GPHN: variants seen among roughly 807,000 people sequenced by gnomAD.
The protein encoded by GPHN is gephyrin.
Under a neutral mutation model 95.5 loss-of-function variants are expected in GPHN, and 17 were observed. The ratio of observed to expected loss-of-function variants is 0.18; its 90% CI spans 0.12 to 0.27. The LOEUF (loss-of-function observed/expected upper bound fraction) is 0.27, where lower values mean the gene tolerates loss of function less well. GPHN is among the 10% of genes least tolerant of loss of function. The probability of loss-of-function intolerance (pLI) is 1.00; values close to 1 mark genes in which losing one functional copy is unlikely to be tolerated. For synonymous variants in GPHN, 320 were observed against 322.5 expected (o/e 0.99, Z 0.08); for missense variants, 660 against 978.1 (o/e 0.67, Z 4.34).
the GPHN span, chr14:67,333,376 A>C: frequency 6.5e-6 from 1 of 154,332 alleles, no homozygotes; most frequent in South Asian, 2.1e-4. Flanking sequence ...CTTCATTGGG[A>C]ATATTGAGCA....
intron 2 of GPHN, among the ~76,000 whole-genome samples, chr14:66,688,977 T>C (rs1026513349): frequency 1.3e-5 from 2 of 152,068 alleles, no homozygotes; most frequent in African/African-American, 2.4e-5. Flanking sequence ...GACCAGTTGA[T>C]GGGTGCAGCA....
intron 16 of GPHN, among the ~76,000 whole-genome samples, chr14:67,121,520 A>C (rs1367082569): frequency 1.3e-5 from 2 of 152,184 alleles, no homozygotes; most frequent in Non-Finnish European, 2.9e-5. Flanking sequence ...ATTACGACAA[A>C]GAATTTTGTC....
the GPHN span, among the ~76,000 whole-genome samples, chr14:67,212,574 G>C: frequency 3.3e-5 from 4 of 123,026 alleles, no homozygotes; most frequent in South Asian, 9.4e-4. Flanking sequence ...CTGGGTGACA[G>C]AGCAAGACCC....
At chr14:67,662,814 A>T in the GPHN span, among the ~76,000 whole-genome samples, 3 of 151,780 alleles carry the variant, frequency 2.0e-5, no homozygotes, top group Non-Finnish European at 4.4e-5. Context: ...AGAGGTAGAG[A>T]AATGCTTGAA....
At chr14:66,691,520 G>A (rs2067781914) in intron 2 of GPHN, among the ~76,000 whole-genome samples, 1 of 152,036 alleles carries the variant, frequency 6.6e-6, no homozygotes, top group South Asian at 2.1e-4. Flanking sequence ...AATTTTTAAT[G>A]AATATTTTAT....
In GPHN at chr14:66,508,405, T is replaced by G; in HGVS notation, c.-123T>G. 1 of 877,214 alleles carries G rather than the reference T, an allele frequency of 1.1e-6. No homozygotes were observed. The highest frequency in any genetic ancestry group is 1.9e-6 in the Non-Finnish European group (1 of 514,294). 54.3% of individuals were successfully genotyped at this position (877,214 alleles called of 1,614,324 possible). ...CTGTGGCCTCCCCCTCCTTCCCCGC[T>G]CTCCTCGCGCTTCTCTGGCTCCCTA... On this transcript the variant is annotated 5_prime_UTR_variant, in exon 1 of 23. Transcript: ENST00000478722.
chr14:67,656,022 G>T, the GPHN span, among the ~76,000 whole-genome samples: 2 of 152,140 alleles, frequency 1.3e-5, no homozygotes, highest in African/African-American at 4.8e-5. Flanking sequence ...GGAGCAGGTG[G>T]ATCACCTGAA....
At chr14:66,688,734 G>A (rs117288382) in intron 2 of GPHN, among the ~76,000 whole-genome samples, 1,843 of 152,262 alleles carry the variant, frequency 0.012, 20 homozygotes, top group Non-Finnish European at 0.018. Flanking sequence ...CCAGTACTGT[G>A]TTGAATGAAA....
At chr14:66,586,165 C>A (rs542079537) in intron 1 of GPHN, among the ~76,000 whole-genome samples, 106 of 151,018 alleles carry the variant, frequency 7.0e-4, no homozygotes, top group Middle Eastern at 6.9e-3. Context: ...GTCTCTTTTG[C>A]TCTTTGTTGG....
chr14:67,180,287 G>A (rs1250381271), intron 22 of GPHN, among the ~76,000 whole-genome samples: 6 of 152,190 alleles, frequency 3.9e-5, no homozygotes, highest in Non-Finnish European at 8.8e-5. Context: ...CAGCGACTAA[G>A]TTCATGGGCT....
the GPHN span, among the ~76,000 whole-genome samples, chr14:67,400,720 G>T: frequency 1.3e-5 from 2 of 152,206 alleles, no homozygotes; most frequent in Admixed American, 6.5e-5. Context: ...GAGCTCGGTG[G>T]TTCACGCCTG....
chr14:67,278,341 C>CT, the GPHN span, among the ~76,000 whole-genome samples: 362 of 138,164 alleles, frequency 2.6e-3, no homozygotes, highest in South Asian at 3.5e-3. Flanking sequence ...CGGCCCAATT[C>CT]TTTTTTTTTT....
At chr14:67,109,138 A>G (rs1181094943) in intron 13 of GPHN, among the ~76,000 whole-genome samples, 1 of 152,248 alleles carries the variant, frequency 6.6e-6, no homozygotes, top group Admixed American at 6.5e-5. Flanking sequence ...CAAAACAAAA[A>G]GTACAGTAGA....
the GPHN span, chr14:67,555,697 C>A: frequency 7.4e-7 from 1 of 1,346,684 alleles, no homozygotes; most frequent in Non-Finnish European, 1.0e-6. Context: ...CACTCTCGAG[C>A]CACTTGAGAT....
chr14:67,642,793 CTTTT>C, the GPHN span, among the ~76,000 whole-genome samples: 33 of 75,546 alleles, frequency 4.4e-4, no homozygotes, highest in African/African-American at 9.9e-4. Flanking sequence ...ACTACATTTT[CTTTT>C]TTTTTTTTTT....
At chr14:67,272,524 G>A in the GPHN span, among the ~76,000 whole-genome samples, 5 of 152,204 alleles carry the variant, frequency 3.3e-5, no homozygotes, top group African/African-American at 1.2e-4. Flanking sequence ...AGCTATAGTT[G>A]TAGTTGTTAC....
intron 11 of GPHN, among the ~76,000 whole-genome samples, chr14:67,079,298 A>G (rs1321357151): frequency 2.6e-5 from 4 of 152,088 alleles, no homozygotes; most frequent in African/African-American, 4.8e-5. Context: ...TTCATATGCT[A>G]TACAATTCAA....
At chr14:66,733,005 G>A (rs1317425833) in intron 2 of GPHN, among the ~76,000 whole-genome samples, 1 of 152,236 alleles carries the variant, frequency 6.6e-6, no homozygotes, top group East Asian at 1.9e-4. Flanking sequence ...GATACAGTTC[G>A]GCTCTGGGTC....
chr14:67,598,770 C>T, the GPHN span, among the ~76,000 whole-genome samples: 2 of 147,142 alleles, frequency 1.4e-5, no homozygotes, highest in Admixed American at 1.4e-4. Context: ...AGTGCAGTGG[C>T]GTGATCTCGG....
Sources: allele counts gnomAD v4.1 joint callset (sites outside exome capture counted in the v4.1 genomes callset), GRCh38; gene constraint gnomAD v4.1.1; transcripts MANE v1.5; gene names NCBI Gene and HGNC (gene_info 2026-07-23, HGNC 2026-07-21).